Variants in DOCK2 observed in about 807,000 individuals in gnomAD.
The protein encoded by DOCK2 is dedicator of cytokinesis protein 2.
In DOCK2, 87 loss-of-function variants were observed where a neutral mutation model predicts 248.9. That is an observed-to-expected ratio of 0.35 (90% CI 0.29 to 0.42). The LOEUF (loss-of-function observed/expected upper bound fraction) is 0.42. Ranked by LOEUF, DOCK2 falls within the 10% of genes least tolerant of loss-of-function variation. DOCK2 has a pLI of 1.00. For missense variants in DOCK2, 1,747 were observed against 2,300.2 expected (o/e 0.76, Z 4.92); for synonymous variants, 805 against 821.6 (o/e 0.98, Z 0.35).
chr5:169,929,742 A>C (rs1775654138), intron 27 of DOCK2, among the ~76,000 whole-genome samples: 1 of 99,534 alleles, frequency 1.0e-5, no homozygotes, highest in Non-Finnish European at 2.0e-5. Context: ...ACCCTGTCTC[A>C]AAAAAAAAAA....
intron 1 of DOCK2, among the ~76,000 whole-genome samples, chr5:169,646,648 T>C (rs1052789885): frequency 6.6e-6 from 1 of 152,062 alleles, no homozygotes; most frequent in Non-Finnish European, 1.5e-5. Flanking sequence ...GTAGCATAGG[T>C]CCCATTGAGA....
In DOCK2 at chr5:169,928,413, T is replaced by C. The variant is rs372525836; in HGVS notation, c.2800-54655T>C. 3.3e-4 allele frequency among the ~76,000 whole-genome samples: 50 copies of C among 152,372 alleles called. 1 individual carries two copies. The highest frequency in any genetic ancestry group is 2.1e-3 in the South Asian group (10 of 4,832). On this transcript the variant is annotated intron_variant, in intron 27 of 51. Transcript: ENST00000520908. ...ACTGCTCTGCCCCAGAATGCCCCGC[T>C]GTTTTCACGTAGTCAGGCAGGTTCC...
At chr5:169,863,489 A>G (rs1410618714) in intron 27 of DOCK2, among the ~76,000 whole-genome samples, 1 of 152,234 alleles carries the variant, frequency 6.6e-6, no homozygotes, top group Admixed American at 6.5e-5. Context: ...CCCATTTGCC[A>G]GGTGGTCTCA....
chr5:169,664,897 G>A (rs1440553344), intron 2 of DOCK2, among the ~76,000 whole-genome samples: 1 of 151,550 alleles, frequency 6.6e-6, no homozygotes, highest in African/African-American at 2.4e-5. Context: ...CAACACACAA[G>A]AAAGAAAAAG....
chr5:169,859,962 T>C (rs1465427120), intron 27 of DOCK2, among the ~76,000 whole-genome samples: 5 of 145,140 alleles, frequency 3.4e-5, no homozygotes, highest in Non-Finnish European at 7.6e-5. Flanking sequence ...ATCCTTCTTT[T>C]TTTTTTTTTT....
intron 27 of DOCK2, among the ~76,000 whole-genome samples, chr5:169,874,590 T>A (rs13355609): frequency 0.47 from 71,783 of 151,846 alleles, 17,630 homozygotes; most frequent in Non-Finnish European, 0.54. Context: ...ATGGTCAGCA[T>A]TTGGACACCC....
At chr5:169,940,147 G>GTT (rs1338021050) in intron 27 of DOCK2, among the ~76,000 whole-genome samples, 2 of 152,158 alleles carry the variant, frequency 1.3e-5, no homozygotes, top group Non-Finnish European at 2.9e-5. Context: ...TTCTTCCACA[G>GTT]TTTTCTGTGT....
chr5:169,725,517 T>A (rs1018441175), intron 22 of DOCK2, among the ~76,000 whole-genome samples: 2 of 145,818 alleles, frequency 1.4e-5, no homozygotes, highest in Admixed American at 6.8e-5. Flanking sequence ...TTTTCTTTTT[T>A]AAAATTATAT....
intron 50 of DOCK2, 81 bp from the exon 51 acceptor site, chr5:170,081,761 G>GCC: frequency 9.7e-7 from 1 of 1,026,744 alleles, no homozygotes; most frequent in Non-Finnish European, 1.3e-6. Context: ...CTGTCCCCCA[G>GCC]CCCTCCCCCT....
intron 23 of DOCK2, among the ~76,000 whole-genome samples, chr5:169,750,243 C>CGATG (rs1763826952): frequency 2.0e-5 from 3 of 152,010 alleles, no homozygotes; most frequent in Admixed American, 1.3e-4. Flanking sequence ...TGTTTCCCTA[C>CGATG]GATGGGCTAC....
rs766639407 is a variant in DOCK2 at position 169,700,011 on chromosome 5, C to T, written c.1133-3C>T. On this transcript the variant is annotated splice_polypyrimidine_tract_variant and splice_region_variant and intron_variant, in intron 12 of 51. Transcript: ENST00000520908. ...CTCTTCACGGTGAGCTGTTCCTTTG[C>T]AGGCCTCTGGGTGACCATGAAGATG... 5 of 1,613,406 alleles carry T rather than the reference C, an allele frequency of 3.1e-6. No individual in the cohort carries two copies. The highest frequency in any genetic ancestry group is 4.2e-6 in the Non-Finnish European group (5 of 1,179,508).
At chr5:169,778,579 A>T (rs1765516079) in intron 25 of DOCK2, among the ~76,000 whole-genome samples, 1 of 152,238 alleles carries the variant, frequency 6.6e-6, no homozygotes, top group Admixed American at 6.5e-5. Flanking sequence ...CTCTCTCTGT[A>T]AAATGAGACT....
chr5:169,839,333 T>C (rs564856875), intron 26 of DOCK2, among the ~76,000 whole-genome samples: 22 of 152,320 alleles, frequency 1.4e-4, no homozygotes, highest in South Asian at 2.1e-4. Flanking sequence ...ACATGTCATT[T>C]TTAGGTCCAC....
chr5:169,815,696 T>G (rs1210947989), intron 26 of DOCK2, among the ~76,000 whole-genome samples: 3 of 152,094 alleles, frequency 2.0e-5, no homozygotes, highest in Admixed American at 6.5e-5. Context: ...GATTACTGAG[T>G]TTTTTGGGAC....
At chr5:170,047,708 G>C in intron 40 of DOCK2, 94 bp downstream of exon 40, 1 of 1,158,216 alleles carries the variant, frequency 8.6e-7, no homozygotes, top group Non-Finnish European at 1.2e-6. Flanking sequence ...CTTGTGCTCA[G>C]AAGCGGTGCT....
intron 25 of DOCK2, among the ~76,000 whole-genome samples, chr5:169,792,950 A>G (rs1003906775): frequency 6.6e-6 from 1 of 152,220 alleles, no homozygotes; most frequent in African/African-American, 2.4e-5. Context: ...GAGGCCAGCC[A>G]GCAGCTGCAG....
intron 1 of DOCK2, among the ~76,000 whole-genome samples, chr5:169,642,179 A>C (rs1561898804): frequency 6.6e-6 from 1 of 152,236 alleles, no homozygotes; most frequent in Non-Finnish European, 1.5e-5. Flanking sequence ...CAACAGTTGA[A>C]AGGATAGAGA....
intron 50 of DOCK2, chr5:170,080,560 G>C: frequency 2.4e-6 from 1 of 417,860 alleles, no homozygotes; most frequent in African/African-American, 2.2e-5. Flanking sequence ...GTCACACTAG[G>C]TGGCCCCTTG....
chr5:169,710,560 G>A (rs1235550328), intron 15 of DOCK2, among the ~76,000 whole-genome samples: 1 of 152,188 alleles, frequency 6.6e-6, no homozygotes, highest in Non-Finnish European at 1.5e-5. Context: ...TTGGAATAAG[G>A]ATTTGGAATT....
Sources: allele counts gnomAD v4.1 joint callset (sites outside exome capture counted in the v4.1 genomes callset), GRCh38; gene constraint gnomAD v4.1.1; transcripts MANE v1.5; gene names NCBI Gene and HGNC (gene_info 2026-07-23, HGNC 2026-07-21).